Variants in SNX24 observed in about 807,000 individuals in gnomAD.
SNX24 encodes the protein sorting nexin-24.
SNX24 carries 22 observed loss-of-function variants against 28.7 expected under a neutral mutation model. The observed-to-expected ratio is 0.77, with a 90% CI of 0.55 to 1.10. The LOEUF (loss-of-function observed/expected upper bound fraction) is 1.10, where lower values mean the gene tolerates loss of function less well. SNX24 is among the 50% of genes least tolerant of loss of function. The pLI is 0.00. For missense variants in SNX24, 221 were observed against 201.1 expected, an observed-to-expected ratio of 1.10 and a Z score of -0.60; for synonymous variants, 69 against 71.5, an observed-to-expected ratio of 0.96 and a Z score of 0.18.
chr5:122,911,463 C>T (rs1757884862), intron 1 of SNX24, among the ~76,000 whole-genome samples: 1 of 151,716 alleles, frequency 6.6e-6, no homozygotes, highest in African/African-American at 2.4e-5. Flanking sequence ...TGCAGAAGCT[C>T]TTTAGTTTAA....
intron 1 of SNX24, among the ~76,000 whole-genome samples, chr5:122,848,625 C>T (rs938286288): frequency 1.8e-4 from 27 of 152,008 alleles, no homozygotes; most frequent in Non-Finnish European, 3.1e-4. Flanking sequence ...AGGCGAATCT[C>T]TTGAGCCCCG....
intron 3 of SNX24, among the ~76,000 whole-genome samples, chr5:122,992,697 A>G (rs887190826): frequency 6.6e-6 from 1 of 152,218 alleles, no homozygotes; most frequent in Non-Finnish European, 1.5e-5. Flanking sequence ...GTAATTTCAC[A>G]TTCATTGCTG....
intron 1 of SNX24, among the ~76,000 whole-genome samples, chr5:122,881,577 C>T (rs981623733): frequency 2.6e-5 from 4 of 152,152 alleles, no homozygotes; most frequent in African/African-American, 9.7e-5. Flanking sequence ...TGTTGATATT[C>T]TGTCTTTCTG....
chr5:122,989,368 A>C (rs923815216), intron 3 of SNX24, among the ~76,000 whole-genome samples: 2 of 152,244 alleles, frequency 1.3e-5, no homozygotes, highest in Non-Finnish European at 2.9e-5. Flanking sequence ...TATTCTAGCC[A>C]AGAGGAAGGA....
At chr5:122,948,486 A>C (rs1759790954) in intron 3 of SNX24, 1 of 152,208 alleles carries the variant, frequency 6.6e-6, no homozygotes, top group Non-Finnish European at 1.5e-5. Context: ...TTAAGTTCAC[A>C]AGGAACTTAG....
In SNX24 at chr5:122,925,695, C is replaced by A. The variant is rs184740102; in HGVS notation, c.61-11039C>A. Among the ~76,000 whole-genome samples, 1,262 of 152,250 alleles carry A rather than the reference C, an allele frequency of 8.3e-3. 17 individuals carry two copies. The highest frequency in any genetic ancestry group is 0.029 in the African/African-American group (1,196 of 41,550). On this transcript the variant is annotated intron_variant, in intron 1 of 6. Transcript: ENST00000261369. ...TATTATGTCTAACTTATTGGTTGTTCTAACAAAAATAACTCATTTTACCTT... is the reference window on the plus strand; with the variant it reads ...TATTATGTCTAACTTATTGGTTGTTATAACAAAAATAACTCATTTTACCTT...
intron 3 of SNX24, among the ~76,000 whole-genome samples, chr5:122,986,612 G>C (rs1761614110): frequency 6.6e-6 from 1 of 152,144 alleles, no homozygotes; most frequent in South Asian, 2.1e-4. Context: ...GATGGTGGAA[G>C]CCGAAGCCAA....
At chr5:123,009,822 C>T (rs952858090), downstream of SNX24, among the ~76,000 whole-genome samples, 1 of 152,302 alleles carries the variant, frequency 6.6e-6, no homozygotes, top group East Asian at 1.9e-4. Context: ...CAGAATGCCC[C>T]AGCAACTTCT....
At chr5:122,846,659 G>C (rs905565977) in intron 1 of SNX24, among the ~76,000 whole-genome samples, 1 of 152,156 alleles carries the variant, frequency 6.6e-6, no homozygotes, top group African/African-American at 2.4e-5. Flanking sequence ...GGGCCATTGT[G>C]TTTTCTTAGT....
At chr5:122,916,897 C>T (rs944383934) in intron 1 of SNX24, among the ~76,000 whole-genome samples, 5 of 152,182 alleles carry the variant, frequency 3.3e-5, no homozygotes, top group East Asian at 3.9e-4. Flanking sequence ...GTTCAGAAAA[C>T]TTCCTAGCTG....
chr5:122,898,596 GTGT>G (rs1399179836), intron 1 of SNX24, among the ~76,000 whole-genome samples: 4 of 152,148 alleles, frequency 2.6e-5, no homozygotes, highest in African/African-American at 7.2e-5. Flanking sequence ...GAAAGGAGAA[GTGT>G]TGTTGTATAG....
chr5:122,898,221 G>C (rs1262664769), intron 1 of SNX24, among the ~76,000 whole-genome samples: 1 of 152,162 alleles, frequency 6.6e-6, no homozygotes, highest in Non-Finnish European at 1.5e-5. Context: ...TTAGGACATA[G>C]ATGCACTCCT....
intron 1 of SNX24, among the ~76,000 whole-genome samples, chr5:122,859,599 C>T (rs919738589): frequency 6.6e-6 from 1 of 152,092 alleles, no homozygotes; most frequent in South Asian, 2.1e-4. Context: ...AAGACACTAT[C>T]TCAAATAATA....
intron 1 of SNX24, among the ~76,000 whole-genome samples, chr5:122,920,337 C>T (rs758536355): frequency 4.2e-4 from 64 of 152,238 alleles, no homozygotes; most frequent in Non-Finnish European, 8.7e-4. Flanking sequence ...ATAGGGTTTT[C>T]CTGCCTTGAG....
intron 3 of SNX24, among the ~76,000 whole-genome samples, chr5:122,989,107 C>T (rs1761725782): frequency 6.6e-6 from 1 of 152,006 alleles, no homozygotes; most frequent in East Asian, 1.9e-4. Flanking sequence ...GGGCCAAAAA[C>T]AGGACTTTAC....
intron 3 of SNX24, among the ~76,000 whole-genome samples, chr5:122,947,054 T>C (rs1183978813): frequency 1.3e-5 from 2 of 152,152 alleles, no homozygotes; most frequent in African/African-American, 4.8e-5. Flanking sequence ...GGAGTGAACA[T>C]GGCTGGGGGC....
intron 1 of SNX24, among the ~76,000 whole-genome samples, chr5:122,915,014 C>T (rs761170288): frequency 3.3e-4 from 50 of 151,958 alleles, no homozygotes; most frequent in Non-Finnish European, 2.9e-5. Flanking sequence ...GTTGAGTGTC[C>T]GTGATCCAAA....
intron 6 of SNX24, among the ~76,000 whole-genome samples, chr5:123,007,179 G>T (rs551929979): frequency 6.6e-6 from 1 of 152,100 alleles, no homozygotes; most frequent in Non-Finnish European, 1.5e-5. Flanking sequence ...TTTAAGTTAG[G>T]AAGACTGACC....
chr5:122,866,604 C>T (rs1298735245), intron 1 of SNX24, among the ~76,000 whole-genome samples: 3 of 152,146 alleles, frequency 2.0e-5, no homozygotes, highest in African/African-American at 7.2e-5. Context: ...TGGGTTGCTG[C>T]AGTTTTTTTC....
Sources: allele counts gnomAD v4.1 joint callset (sites outside exome capture counted in the v4.1 genomes callset), GRCh38; gene constraint gnomAD v4.1.1; transcripts MANE v1.5; gene names NCBI Gene and HGNC (gene_info 2026-07-23, HGNC 2026-07-21).